MYO9B: variants seen among roughly 807,000 people sequenced by gnomAD.
The protein encoded by MYO9B is unconventional myosin-IXb.
MYO9B carries 71 observed loss-of-function variants against 229.5 expected under a neutral mutation model. The observed-to-expected ratio is 0.31, with a 90% CI of 0.26 to 0.38. The LOEUF is 0.38. Ranked by LOEUF, MYO9B falls within the 10% of genes least tolerant of loss-of-function variation. The pLI, the probability that MYO9B is intolerant of heterozygous loss-of-function variation, is 1.00. For synonymous variants in MYO9B, 1,185 were observed against 1,235.8 expected (o/e 0.96, Z 0.86); for missense variants, 2,255 against 2,920.5 (o/e 0.77, Z 5.25).
At chr19:17,125,302 C>A (rs1372326241) in intron 2 of MYO9B, among the ~76,000 whole-genome samples, 1 of 136,998 alleles carries the variant, frequency 7.3e-6, no homozygotes, top group Admixed American at 7.0e-5. Context: ...CCCCATCCCC[C>A]CCCCCCCAAA....
Position 17,202,225 on chromosome 19 carries a change from C to G in MYO9B, c.4758C>G (p.Asn1586Lys). The G allele has an allele frequency of 6.2e-7, 1 of 1,611,288 alleles. No homozygotes were observed. The highest frequency in any genetic ancestry group is 8.5e-7 in the Non-Finnish European group (1 of 1,178,858). ...LATERGQKDT[N>K]LVLNLFQSLL... is the part of the protein sequence containing the mutation. ...CTGAGCGTGGCCAGAAGGACACCAA[C>G]CTGGTCCTCAACCTCTTCCAGTCAC... Residue 1586 changes from asparagine to lysine, a missense_variant, in exon 28 of 40, where the codon AAC (asparagine) becomes AAG (lysine). Physicochemically the swap from Asn to Lys is moderately conservative, Grantham distance 94. Coordinates refer to ENST00000682292, the MANE Select transcript of MYO9B (RefSeq NM_004145.4).
intron 1 of MYO9B, among the ~76,000 whole-genome samples, chr19:17,094,303 G>C (rs1239699242): frequency 1.3e-5 from 2 of 152,052 alleles, no homozygotes; most frequent in Admixed American, 1.3e-4. Context: ...TCAAAGTACT[G>C]GAATTACAGG....
chr19:17,142,299 A>T (rs2072351448), intron 2 of MYO9B, among the ~76,000 whole-genome samples: 1 of 152,070 alleles, frequency 6.6e-6, no homozygotes, highest in African/African-American at 2.4e-5. Context: ...GTTGTCAGGG[A>T]CTAGGGGAGG....
At position 17,211,790 on chromosome 19, in the gene MYO9B, G is replaced by A. The variant is rs754684860; in HGVS notation, c.6058+16G>A. On this transcript the variant is annotated intron_variant, in intron 39 of 39. Coordinates refer to ENST00000682292, the MANE Select transcript of MYO9B (RefSeq NM_004145.4). ...GCCTCGGAAGGTCAGTATTAAGGTA[G>A]CGTCTGCTTTTCTCCTTCCCGTCCA... The A allele has an allele frequency of 2.9e-5, 47 of 1,612,704 alleles. 1 individual carries two copies. In the Middle Eastern group the frequency reaches 6.6e-4, roughly 23 times the overall value.
intron 35 of MYO9B, among the ~76,000 whole-genome samples, chr19:17,209,003 ACCACT>A (rs1568304486): frequency 6.6e-6 from 1 of 151,840 alleles, no homozygotes; most frequent in Non-Finnish European, 1.5e-5. Flanking sequence ...TCTGGTACTG[ACCACT>A]CCAAGCTGAG....
At chr19:17,116,998 G>A (rs2057910889) in intron 2 of MYO9B, among the ~76,000 whole-genome samples, 1 of 152,178 alleles carries the variant, frequency 6.6e-6, no homozygotes, top group African/African-American at 2.4e-5. Context: ...AGAGAAGAGT[G>A]AAATTATGGG....
In MYO9B at chr19:17,200,636, C is replaced by T. The variant is rs1199860620; in HGVS notation, c.4373-3C>T. On this transcript the variant is annotated splice_region_variant and splice_polypyrimidine_tract_variant and intron_variant, in intron 25 of 39. Transcript: ENST00000682292. ...TCACCGGCTGCTTCCTGTCCCCCCT[C>T]AGCCCCCTCCGGACAGCAGCATCGC... is the stretch of plus-strand genomic sequence containing the variant. The T allele has an allele frequency of 2.5e-6, 4 of 1,610,636 alleles. No homozygotes were observed. In the South Asian group the frequency reaches 3.3e-5, roughly 13 times the overall value.
chr19:17,205,882 A>C (rs930432779), intron 31 of MYO9B, 78 bp from the exon 32 acceptor site: 3 of 1,387,848 alleles, frequency 2.2e-6, no homozygotes, highest in Admixed American at 2.5e-5. Flanking sequence ...GTGCGGGACC[A>C]GGAGGCAGAG....
intron 2 of MYO9B, among the ~76,000 whole-genome samples, chr19:17,113,717 G>A (rs1294526232): frequency 6.6e-6 from 1 of 152,126 alleles, no homozygotes; most frequent in Non-Finnish European, 1.5e-5. Context: ...TGGCCTCCCC[G>A]GGATGTTTGC....
chr19:17,135,088 C>T (rs749886834), intron 2 of MYO9B, among the ~76,000 whole-genome samples: 1 of 152,138 alleles, frequency 6.6e-6, no homozygotes, highest in Non-Finnish European at 1.5e-5. Flanking sequence ...TTGATGCACA[C>T]GTCTTGGCTA....
Position 17,191,233 on chromosome 19 carries a change from C to A in MYO9B, c.2811+14C>A. On this transcript the variant is annotated intron_variant, in intron 20 of 39. Transcript: ENST00000682292. ...GGGAAGACCAAGGTCAGCGCTCCTGCCCCTCGGGGCACTACAAACCCACAC... is the reference window on the plus strand; with the variant it reads ...GGGAAGACCAAGGTCAGCGCTCCTGACCCTCGGGGCACTACAAACCCACAC... 6.2e-7 allele frequency: 1 copy of A among 1,608,534 alleles called. No homozygotes were observed. Among genetic ancestry groups the A allele is most frequent in the Non-Finnish European group, 8.5e-7 (1 of 1,177,526 alleles).
intron 2 of MYO9B, among the ~76,000 whole-genome samples, chr19:17,137,981 C>T (rs1342901844): frequency 6.6e-6 from 1 of 151,756 alleles, no homozygotes; most frequent in Non-Finnish European, 1.5e-5. Context: ...ATACACATGC[C>T]ATGGTGGTTT....
chr19:17,178,207 G>T (rs1339347780), intron 14 of MYO9B, among the ~76,000 whole-genome samples: 1 of 152,216 alleles, frequency 6.6e-6, no homozygotes, highest in Non-Finnish European at 1.5e-5. Flanking sequence ...GCTGGGGAGA[G>T]CAGGTAAGTG....
chr19:17,201,782 C>A, intron 26 of MYO9B, 144 bp from the exon 27 acceptor site: 1 of 640,048 alleles, frequency 1.6e-6, no homozygotes, highest in Non-Finnish European at 2.7e-6. Context: ...GATGAGAGAC[C>A]AGGCTTGGCC....
At chr19:17,122,087 A>G (rs541184406) in intron 2 of MYO9B, among the ~76,000 whole-genome samples, 2 of 152,280 alleles carry the variant, frequency 1.3e-5, no homozygotes, top group East Asian at 3.9e-4. Flanking sequence ...ACCTTTCCAA[A>G]TGAGCTGAAC....
At chr19:17,132,525 A>ATTTTTTTTTT (rs35184435) in intron 2 of MYO9B, among the ~76,000 whole-genome samples, 4 of 116,362 alleles carry the variant, frequency 3.4e-5, no homozygotes, top group East Asian at 2.5e-4. Context: ...TATTATTATT[A>ATTTTTTTTTT]TTTTTTTTTT....
chr19:17,122,221 T>C (rs1464628995), intron 2 of MYO9B, among the ~76,000 whole-genome samples: 4 of 152,128 alleles, frequency 2.6e-5, no homozygotes, highest in Admixed American at 2.6e-4. Flanking sequence ...TTGCAAAAGA[T>C]GCATTATTTC....
In MYO9B at chr19:17,082,532, A is replaced by C. The variant is rs571069993; in HGVS notation, c.-59+6658A>C. Reference sequence around the variant, plus strand: ...CCTCCTGCATCCCATTCCAGGGCAGACGAGATCGGGGGCAGGAGGGTGACA... The same window carrying C: ...CCTCCTGCATCCCATTCCAGGGCAGCCGAGATCGGGGGCAGGAGGGTGACA... On this transcript the variant is annotated intron_variant, in intron 1 of 39. Transcript: ENST00000682292. 2.0e-5 allele frequency among the ~76,000 whole-genome samples: 3 copies of C among 152,154 alleles called. No homozygotes were observed. In the East Asian group the frequency reaches 5.8e-4, roughly 29 times the overall value.
At chr19:17,126,547 C>T (rs2058021166) in intron 2 of MYO9B, among the ~76,000 whole-genome samples, 1 of 152,238 alleles carries the variant, frequency 6.6e-6, no homozygotes, top group Non-Finnish European at 1.5e-5. Flanking sequence ...AACTCAAATG[C>T]AGCCTTAAGC....
Sources: gnomAD v4.1 joint callset for allele counts (sites outside exome capture counted in the v4.1 genomes callset) on GRCh38, gnomAD v4.1.1 for gene constraint, MANE v1.5 for transcripts, NCBI Gene and HGNC (gene_info 2026-07-23, HGNC 2026-07-21) for gene names.